BTBD1: variants seen among roughly 807,000 people sequenced by gnomAD.
The protein encoded by BTBD1 is BTB domain containing 1.
A neutral mutation model predicts 48.0 loss-of-function variants in BTBD1; 34 were observed. The ratio of observed to expected loss-of-function variants is 0.71; its 90% confidence interval spans 0.54 to 0.94. The LOEUF (loss-of-function observed/expected upper bound fraction) is 0.94, where lower values mean the gene tolerates loss of function less well. Ranked by LOEUF, BTBD1 falls within the 40% of genes least tolerant of loss-of-function variation. BTBD1 has a pLI of 0.00. For synonymous variants in BTBD1, 261 were observed against 242.1 expected (o/e 1.08, Z -0.72); for missense variants, 543 against 625.6 (o/e 0.87, Z 1.41).
chr15:83,036,579 T>C (rs2032634825), intron 4 of BTBD1, among the ~76,000 whole-genome samples: 1 of 152,230 alleles, frequency 6.6e-6, no homozygotes, highest in Admixed American at 6.6e-5. Context: ...TCCACTCGTA[T>C]ATATCCAACA....
chr15:83,029,940 T>C, intron 5 of BTBD1, 196 bp downstream of exon 5: 1 of 617,600 alleles, frequency 1.6e-6, no homozygotes, highest in Middle Eastern at 4.5e-4. Context: ...TCTTAAGAAG[T>C]CACCCTCACT....
chr15:83,054,471 T>C lies in BTBD1; in HGVS notation c.558+1918A>G, dbSNP rs866641179. On this transcript the variant is annotated intron_variant, in intron 2 of 7. Coordinates refer to ENST00000261721, the MANE Select transcript of BTBD1 (RefSeq NM_025238.4). ...GCATACGTGGAGTTCTGTAATTATG[T>C]CCAAGAAGAGGTGACATCAGAATGT... Among the ~76,000 whole-genome samples the C allele has an allele frequency of 3.3e-5, 5 of 152,096 alleles. No individual in the cohort carries two copies. In the South Asian group the frequency reaches 1.0e-3, roughly 31 times the overall value.
chr15:83,020,318 A>C (rs983902059), intron 6 of BTBD1: 3 of 169,566 alleles, frequency 1.8e-5, no homozygotes, highest in African/African-American at 7.1e-5. Context: ...GCCCCTTGGA[A>C]GTCACAGGAT....
At chr15:83,041,951 C>A (rs750623991) in intron 3 of BTBD1, 26 bp from the exon 4 acceptor site, 49 of 1,598,692 alleles carry the variant, frequency 3.1e-5, no homozygotes, top group Non-Finnish European at 4.2e-5. Context: ...AAAATAAACC[C>A]AATTAGAAAT....
intron 6 of BTBD1, chr15:83,020,250 G>A (rs915594269): frequency 1.3e-5 from 2 of 154,668 alleles, no homozygotes; most frequent in East Asian, 1.9e-4. Flanking sequence ...CAGCCTGGGC[G>A]ACCAAGTGAG....
At chr15:83,025,357 C>CAAAAAAAAAAAAA (rs767479917) in intron 5 of BTBD1, among the ~76,000 whole-genome samples, 19 of 64,152 alleles carry the variant, frequency 3.0e-4, no homozygotes, top group Non-Finnish European at 4.4e-4. Flanking sequence ...GACTCCATCA[C>CAAAAAAAAAAAAA]AAAAAAAAAA....
intron 3 of BTBD1, chr15:83,044,482 C>T (rs1445132373): frequency 6.3e-7 from 1 of 1,576,402 alleles, no homozygotes; most frequent in Non-Finnish European, 8.7e-7. Context: ...GACGCAATGG[C>T]CAAGCCAGAT....
intron 2 of BTBD1, among the ~76,000 whole-genome samples, chr15:83,052,226 G>A (rs2033000716): frequency 6.6e-6 from 1 of 152,060 alleles, no homozygotes; most frequent in Non-Finnish European, 1.5e-5. Flanking sequence ...GGGATTACAA[G>A]CATGGGCCAC....
chr15:83,019,401 G>A (rs1297177945), intron 6 of BTBD1, among the ~76,000 whole-genome samples: 1 of 151,292 alleles, frequency 6.6e-6, no homozygotes, highest in Non-Finnish European at 1.5e-5. Flanking sequence ...CTGTTGCCCA[G>A]GCTGGTCTGG....
intron 1 of BTBD1, among the ~76,000 whole-genome samples, chr15:83,060,188 T>TA (rs1297713284): frequency 1.3e-5 from 2 of 152,024 alleles, no homozygotes; most frequent in African/African-American, 2.4e-5. Flanking sequence ...TCATTTCTAA[T>TA]AAAAAAAGTT....
chr15:83,032,130 G>A (rs2032529509), intron 4 of BTBD1, among the ~76,000 whole-genome samples: 1 of 152,088 alleles, frequency 6.6e-6, no homozygotes, highest in Non-Finnish European at 1.5e-5. Context: ...AAACCAGCCT[G>A]ACCAACATGG....
At chr15:83,024,220 C>T (rs2032360292) in intron 5 of BTBD1, 1 of 152,120 alleles carries the variant, frequency 6.6e-6, no homozygotes, top group South Asian at 2.1e-4. Flanking sequence ...ATGCTTACTG[C>T]CCACTGGATT....
chr15:83,044,297 C>T (rs889734085), intron 3 of BTBD1: 2 of 768,264 alleles, frequency 2.6e-6, no homozygotes, highest in Non-Finnish European at 4.4e-6. Flanking sequence ...AAAATAAATA[C>T]CCCAGTTCGA....
At chr15:83,021,014 T>C (rs980839156) in intron 5 of BTBD1, among the ~76,000 whole-genome samples, 3 of 152,212 alleles carry the variant, frequency 2.0e-5, no homozygotes, top group African/African-American at 7.2e-5. Flanking sequence ...GTTGTAATGA[T>C]AATTTTAGTG....
intron 1 of BTBD1, among the ~76,000 whole-genome samples, chr15:83,057,391 G>A (rs2033105785): frequency 2.0e-5 from 3 of 152,170 alleles, no homozygotes; most frequent in African/African-American, 7.2e-5. Context: ...ATGTGGTTGT[G>A]AGGATTAACA....
intron 1 of BTBD1, among the ~76,000 whole-genome samples, chr15:83,058,109 T>A (rs1280532856): frequency 6.6e-6 from 1 of 152,238 alleles, no homozygotes; most frequent in Non-Finnish European, 1.5e-5. Context: ...GGCTTTAAAT[T>A]AATTTCCATG....
intron 1 of BTBD1, chr15:83,061,926 AATTTTGCCTGT>A (rs1338653928): frequency 6.6e-6 from 1 of 152,248 alleles, no homozygotes; most frequent in Admixed American, 6.5e-5. Flanking sequence ...GCCAGTGTGC[AATTTTGCCTGT>A]GGGTGGAATT....
chr15:83,066,744 C>A lies in BTBD1; in HGVS notation c.401+7G>T. The A allele has an allele frequency of 2.2e-6, 3 of 1,341,542 alleles. No individual in the cohort carries two copies. Among genetic ancestry groups the A allele is most frequent in the South Asian group, 1.9e-5 (1 of 52,928 alleles). The allele number at this position is 1,341,542 out of a possible 1,614,324, so 83.1% of individuals were successfully genotyped here. A position where few individuals can be genotyped will look rare whatever the true frequency, so the allele number is the denominator to read the frequency against. On this transcript the variant is annotated splice_region_variant and intron_variant, in intron 1 of 7. Transcript: ENST00000261721. ...CCCGGCCCGGCCCGGCCCGCGCTGC[C>A]GCTCACCTCAGCAGCGCCAGGAAGG...
intron 3 of BTBD1, among the ~76,000 whole-genome samples, chr15:83,043,576 G>A (rs758820047): frequency 1.8e-4 from 27 of 152,180 alleles, no homozygotes; most frequent in Non-Finnish European, 3.5e-4. Context: ...GTCAGGGATG[G>A]TGGCCTGGAC....
Sources: gnomAD v4.1 joint callset for allele counts (sites outside exome capture counted in the v4.1 genomes callset) on GRCh38, gnomAD v4.1.1 for gene constraint, MANE v1.5 for transcripts, NCBI Gene and HGNC (gene_info 2026-07-23, HGNC 2026-07-21) for gene names.